CAD: variants seen among roughly 807,000 people sequenced by gnomAD.
CAD encodes carbamoyl-phosphate synthetase 2, aspartate transcarbamylase, and dihydroorotase, also known as multifunctional protein CAD.
A neutral mutation model predicts 237.2 loss-of-function variants in CAD; 81 were observed. The ratio of observed to expected loss-of-function variants is 0.34; its 90% CI spans 0.29 to 0.41. The LOEUF is 0.41. Among genes scored for constraint, CAD ranks in the 10% least tolerant of loss-of-function variants. CAD has a pLI of 1.00. For synonymous variants in CAD, 1,196 were observed against 1,162.8 expected (o/e 1.03, Z -0.58); for missense variants, 2,181 against 2,951.7 (o/e 0.74, Z 6.05).
Position 27,225,092 on chromosome 2 carries a change from A to G in CAD, c.1469A>G (p.Lys490Arg). Residue 490 changes from lysine (K) to arginine (R), a missense_variant, in exon 11 of 44, where the codon AAG becomes AGG. By Grantham distance (26) the Lys-to-Arg change is conservative (BLOSUM62 2). Around this residue, in one of 12 missense-constraint regions of CAD, gnomAD observed 174 missense variants for 215.8 expected, o/e 0.81. Coordinates refer to ENST00000264705, the MANE Select transcript of CAD (RefSeq NM_004341.5). ...TALNCGVELT[K>R]AGVLARYGVR... ...CTGAACTGTGGTGTGGAGCTGACCA[A>G]GGCCGGGGTGCTGGCTCGGTATGGG... The G allele has an allele frequency of 6.2e-7, 1 of 1,614,124 alleles. No homozygotes were observed. Among genetic ancestry groups the G allele is most frequent in the Non-Finnish European group, 8.5e-7 (1 of 1,180,036 alleles).
At position 27,233,657 on chromosome 2, in the gene CAD, A is replaced by AC. The variant is rs1675871767; in HGVS notation, c.3252dup (p.Cys1085LeufsTer49). 2 of 1,614,020 alleles carry AC rather than the reference A, an allele frequency of 1.2e-6. No homozygotes were observed. The stretch of plus-strand genomic sequence containing the variant: ...CGCCAATTCTGCCAGACCGTGGGGT[A>AC]CCCCTGTGTGGTGCGCCCCTCCTAT... On this transcript the variant is annotated frameshift_variant, in exon 21 of 44. Transcript: ENST00000264705. LOFTEE classifies it high-confidence loss of function. This position sits in a 1 kb window ranked among gnomAD's most constrained non-coding sequence, Gnocchi z 6.3.
Position 27,234,002 on chromosome 2 carries a change from C to A in CAD, c.3400-6C>A. ...CTATGTCCCACTGTCTGTGTCCCCC[C>A]GCTAGGAGATTGACGTGGATGCCGT... On this transcript the variant is annotated splice_polypyrimidine_tract_variant and splice_region_variant and intron_variant, in intron 21 of 43. Transcript: ENST00000264705. The A allele has an allele frequency of 6.2e-7, 1 of 1,612,728 alleles. No individual in the cohort carries two copies. Among genetic ancestry groups the A allele is most frequent in the South Asian group, 1.1e-5 (1 of 90,900 alleles).
In CAD at chr2:27,241,442, T is replaced by TGGGCCGCATCAGCGCA; in HGVS notation, c.5883+54_5883+69dup. 6.3e-7 allele frequency: 1 copy of TGGGCCGCATCAGCGCA among 1,592,502 alleles called. No individual in the cohort carries two copies. Among genetic ancestry groups the TGGGCCGCATCAGCGCA allele is most frequent in the East Asian group, 2.2e-5 (1 of 44,774 alleles). Reference sequence around the variant, plus strand: ...TAGGGTCCAGGCCATCGCCTGCCCTTGGGCCGCATCAGCGCAGGGCCGCGC... The same window carrying TGGGCCGCATCAGCGCA: ...TAGGGTCCAGGCCATCGCCTGCCCTTGGGCCGCATCAGCGCAGGGCCGCATCAGCGCAGGGCCGCGC... On this transcript the variant is annotated intron_variant, in intron 38 of 43. Coordinates refer to ENST00000264705, the MANE Select transcript of CAD (RefSeq NM_004341.5). The surrounding 1 kb of genome is among the most constrained non-coding windows in gnomAD (Gnocchi z 4.6).
At chr2:27,224,106 C>G (rs1675316830) in intron 8 of CAD, 77 bp downstream of exon 8, 1 of 1,098,014 alleles carries the variant, frequency 9.1e-7, no homozygotes, top group Admixed American at 1.8e-5. Context: ...TGGACATGCC[C>G]TGGGCAACTC....
At chr2:27,224,930 G>C (rs1675358038) in intron 10 of CAD, 54 bp downstream of exon 10, 1 of 1,609,868 alleles carries the variant, frequency 6.2e-7, no homozygotes, top group Non-Finnish European at 8.5e-7. Flanking sequence ...GGGGCCCAGT[G>C]GTCACTGTGG....
At chr2:27,238,930 T>C (rs1449812539) in intron 31 of CAD, 112 bp from the exon 32 acceptor site, 1 of 1,039,368 alleles carries the variant, frequency 9.6e-7, no homozygotes, top group Non-Finnish European at 1.4e-6. Context: ...AAATGAGCAT[T>C]GGGAGTGGTA....
In CAD at chr2:27,239,157, C is replaced by A. The variant is rs747184262; in HGVS notation, c.5178C>A (p.Asp1726Glu). The A allele has an allele frequency of 6.2e-7, 1 of 1,613,398 alleles. No homozygotes were observed. The highest frequency in any genetic ancestry group is 2.2e-5 in the East Asian group (1 of 44,874). ...TAAGCGAGGGCCGGCTCAGCCTGGA[C>A]GACCTGCTGCAGCGATTGCACCACA... ...TAVSEGRLSLDDLLQRLHHNP... is the reference protein window; with the variant it reads ...TAVSEGRLSLEDLLQRLHHNP... The change falls in exon 32 of 44, where the codon GAC becomes GAA. Residue 1726 changes from aspartate to glutamate, a missense_variant. By Grantham distance (45) the Asp-to-Glu change is conservative. Coordinates refer to ENST00000264705, the MANE Select transcript of CAD (RefSeq NM_004341.5). This position sits in a 1 kb window ranked among gnomAD's most constrained non-coding sequence, Gnocchi z 4.0.
rs747315102 is a variant in CAD, at chr2:27,233,184, C to T, written c.2991+44C>T. 12 of 1,510,850 alleles carry T rather than the reference C, an allele frequency of 7.9e-6. No homozygotes were observed. The highest frequency in any genetic ancestry group is 1.7e-5 in the Admixed American group (1 of 59,736). The allele number at this position is 1,510,850 out of a possible 1,614,324, so 93.6% of individuals were successfully genotyped here. ...TCCTGGTAGCTTGAGTGGCCAGGGT[C>T]GAGTAGAACAGCTGGCTGACCTAAG... On this transcript the variant is annotated intron_variant, in intron 19 of 43. Coordinates refer to ENST00000264705, the MANE Select transcript of CAD (RefSeq NM_004341.5). The surrounding 1 kb of genome is among the most constrained non-coding windows in gnomAD (Gnocchi z 6.3).
rs1675807416 is a variant in CAD at position 27,232,445 on chromosome 2, T to C, written c.2646-3T>C. 6.2e-7 allele frequency: 1 copy of C among 1,614,056 alleles called. No individual in the cohort carries two copies. Among genetic ancestry groups the C allele is most frequent in the South Asian group, 1.1e-5 (1 of 91,064 alleles). On this transcript the variant is annotated splice_polypyrimidine_tract_variant and splice_region_variant and intron_variant, in intron 17 of 43. Transcript: ENST00000264705. The surrounding 1 kb of genome is among the most constrained non-coding windows in gnomAD (Gnocchi z 4.1). ...TGTGTTTCAGACCCTTTTTCTATTTTAGCACAGAGCTGGCTGTTCGCAAGC... is the reference window on the plus strand; with the variant it reads ...TGTGTTTCAGACCCTTTTTCTATTTCAGCACAGAGCTGGCTGTTCGCAAGC...
At chr2:27,221,375 G>A (rs1675156340) in intron 3 of CAD, 28 bp downstream of exon 3, 2 of 1,525,260 alleles carry the variant, frequency 1.3e-6, no homozygotes, top group African/African-American at 1.4e-5. Context: ...GGCATATTTG[G>A]GCAGAGCACA....
chr2:27,234,703 C>T lies in CAD; in HGVS notation c.3786+18C>T, dbSNP rs1238993599. 1 of 1,606,640 alleles carries T rather than the reference C, an allele frequency of 6.2e-7. No homozygotes were observed. The highest frequency in any genetic ancestry group is 8.5e-7 in the Non-Finnish European group (1 of 1,174,166). On this transcript the variant is annotated intron_variant, in intron 23 of 43. Transcript: ENST00000264705. ...GAGTAAAGGTAAGGAATATCGAAAC[C>T]CTTGGGGTTAGCAGAAAAATAGCGG... is the stretch of plus-strand genomic sequence containing the variant.
Position 27,241,830 on chromosome 2 carries a change from C to T in CAD, c.5884-81C>T, listed in dbSNP as rs1363667623. On this transcript the variant is annotated intron_variant, in intron 38 of 43. Transcript: ENST00000264705. This position sits in a 1 kb window ranked among gnomAD's most constrained non-coding sequence, Gnocchi z 4.6. ...GGTCCTCACAGCACCCCTCAAGTGT[C>T]AGTTGGGGTGGTGGTGCCTAGCTGG... The T allele has an allele frequency of 8.8e-7, 1 of 1,137,012 alleles. No homozygotes were observed. The highest frequency in any genetic ancestry group is 1.3e-6 in the Non-Finnish European group (1 of 769,046). 70.4% of individuals were successfully genotyped at this position (1,137,012 alleles called of 1,614,324 possible). A position where few individuals can be genotyped will look rare whatever the true frequency, so the allele number is the denominator to read the frequency against.
At chr2:27,225,552 C>CCCT (rs200518617) in intron 11 of CAD, among the ~76,000 whole-genome samples, 153 bp from the exon 12 acceptor site, 10 of 149,192 alleles carry the variant, frequency 6.7e-5, no homozygotes, top group African/African-American at 1.2e-4. Flanking sequence ...GTGATCCACC[C>CCCT]CCCCGACCCT....
rs375233070 is a variant in CAD, at chr2:27,232,464, C to T, written c.2662C>T (p.Arg888Cys). ...LAVLSTELAV[R>C]KLRQELGICP... ...CTATTTTAGCACAGAGCTGGCTGTT[C>T]GCAAGCTGCGTCAGGAACTGGGGAT... is the stretch of plus-strand genomic sequence containing the variant. Residue 888 changes from arginine to cysteine, a missense_variant, in exon 18 of 44, where the codon CGC becomes TGC. Physicochemically the swap from Arg to Cys is radical, Grantham distance 180 (BLOSUM62 -3). Transcript: ENST00000264705. The surrounding 1 kb of genome is among the most constrained non-coding windows in gnomAD (Gnocchi z 4.1). 81 of 1,614,044 alleles carry T rather than the reference C, an allele frequency of 5.0e-5. No individual in the cohort carries two copies. The highest frequency in any genetic ancestry group is 6.6e-5 in the Non-Finnish European group (78 of 1,180,046).
chr2:27,243,361 G>GCCAT (rs1247190097), intron 43 of CAD, 55 bp from the exon 44 acceptor site: 16 of 1,588,586 alleles, frequency 1.0e-5, no homozygotes, highest in Non-Finnish European at 1.1e-5. Context: ...TCCTGGACAA[G>GCCAT]CCATCCATGG....
intron 2 of CAD, among the ~76,000 whole-genome samples, chr2:27,219,409 A>G (rs1675041157): frequency 6.6e-6 from 1 of 151,374 alleles, no homozygotes; most frequent in Non-Finnish European, 1.5e-5. Context: ...TGGCATAATC[A>G]TGGCTCACTT....
In CAD at chr2:27,237,768, G is replaced by A. The variant is rs371380215; in HGVS notation, c.4614G>A (p.Ser1538=). 20 of 1,614,078 alleles carry A rather than the reference G, an allele frequency of 1.2e-5. No homozygotes were observed. Among genetic ancestry groups the A allele is most frequent in the African/African-American group, 2.7e-5 (2 of 74,944 alleles). ...ACTTTGCGCTATTCCTTGGGGCCTC[G>A]TCTGAAAATGCAGGAACCTTGGGCA... ...RCDFALFLGA[S]SENAGTLGTV... The change falls in exon 29 of 44, where the codon TCG becomes TCA. Residue 1538 remains serine, a synonymous_variant. Coordinates refer to ENST00000264705, the MANE Select transcript of CAD (RefSeq NM_004341.5). The surrounding 1 kb of genome is among the most constrained non-coding windows in gnomAD (Gnocchi z 4.0).
intron 13 of CAD, 48 bp downstream of exon 13, chr2:27,226,367 C>A: frequency 6.3e-7 from 1 of 1,589,164 alleles, no homozygotes; most frequent in South Asian, 1.1e-5. Flanking sequence ...ACCCCCTCTT[C>A]TTGTATAATT....
Position 27,240,369 on chromosome 2 carries a change from T to TGG in CAD, c.5593+11_5593+12dup. On this transcript the variant is annotated intron_variant, in intron 35 of 43. Coordinates refer to ENST00000264705, the MANE Select transcript of CAD (RefSeq NM_004341.5). This position sits in a 1 kb window ranked among gnomAD's most constrained non-coding sequence, Gnocchi z 4.6. ...CCGACCCAGGTTTGCCAGGTAAGAGTGGGGTTCCTGTGACTCAGAGACTGT... is the reference window on the plus strand; with the variant it reads ...CCGACCCAGGTTTGCCAGGTAAGAGTGGGGGGTTCCTGTGACTCAGAGACTGT... 1 of 1,612,834 alleles carries TGG rather than the reference T, an allele frequency of 6.2e-7. No homozygotes were observed.
Sources: allele counts gnomAD v4.1 joint callset (sites outside exome capture counted in the v4.1 genomes callset), GRCh38; gene constraint gnomAD v4.1.1; regional missense constraint gnomAD v4.1.1; non-coding constraint Gnocchi (gnomAD v3.1); transcripts MANE v1.5; gene names NCBI Gene and HGNC (gene_info 2026-07-23, HGNC 2026-07-21).